Variants in CACNA2D1 observed in about 807,000 individuals in gnomAD.
CACNA2D1 encodes the protein voltage-dependent calcium channel subunit alpha-2/delta-1.
A neutral mutation model predicts 171.5 loss-of-function variants in CACNA2D1; 53 were observed. The ratio of observed to expected loss-of-function variants is 0.31; its 90% CI spans 0.25 to 0.39. The LOEUF is 0.39. Among genes scored for constraint, CACNA2D1 ranks in the 10% least tolerant of loss-of-function variants. CACNA2D1 has a pLI of 1.00. For synonymous variants in CACNA2D1, 442 were observed against 443.1 expected (o/e 1.00, Z 0.03); for missense variants, 903 against 1,299.8 (o/e 0.69, Z 4.69).
At chr7:82,289,719 ACT>A (rs1811281712) in intron 3 of CACNA2D1, among the ~76,000 whole-genome samples, 2 of 152,198 alleles carry the variant, frequency 1.3e-5, no homozygotes, top group Non-Finnish European at 2.9e-5. Context: ...CTTTGAGAAA[ACT>A]CTAATATTTA....
intron 38 of CACNA2D1, among the ~76,000 whole-genome samples, chr7:81,955,915 G>A (rs1395855791): frequency 1.9e-5 from 2 of 107,626 alleles, no homozygotes; most frequent in Non-Finnish European, 3.7e-5. Context: ...TGGGGGGGGG[G>A]GGGGGTGGTG....
At position 82,388,725 on chromosome 7, in the gene CACNA2D1, T is replaced by C. The variant is rs918051745; in HGVS notation, c.96-39076A>G. Among the ~76,000 whole-genome samples the C allele has an allele frequency of 2.0e-5, 3 of 152,246 alleles. No individual in the cohort carries two copies. The East Asian group carries it at 5.8e-4, about 29-fold the overall frequency. ...ACGAGAAAAGAATGCTTAAGTTTACTGTAACAGCAGTATGTTTAAGATCTC... is the reference window on the plus strand; with the variant it reads ...ACGAGAAAAGAATGCTTAAGTTTACCGTAACAGCAGTATGTTTAAGATCTC... On this transcript the variant is annotated intron_variant, in intron 1 of 38. Coordinates refer to ENST00000356860, the MANE Select transcript of CACNA2D1 (RefSeq NM_000722.4).
intron 3 of CACNA2D1, among the ~76,000 whole-genome samples, chr7:82,217,974 G>A (rs1437613336): frequency 3.3e-5 from 5 of 150,182 alleles, no homozygotes; most frequent in African/African-American, 9.8e-5. Flanking sequence ...TCGCCCTGTC[G>A]CTCAGGCTGG....
chr7:82,140,594 AGAG>A (rs1483039132), intron 4 of CACNA2D1, among the ~76,000 whole-genome samples: 5 of 152,294 alleles, frequency 3.3e-5, no homozygotes, highest in African/African-American at 4.8e-5. Flanking sequence ...AAATATTCAA[AGAG>A]CACTTAATTT....
intron 3 of CACNA2D1, among the ~76,000 whole-genome samples, chr7:82,173,957 C>T (rs931301443): frequency 3.5e-5 from 5 of 142,332 alleles, no homozygotes; most frequent in Non-Finnish European, 7.5e-5. Context: ...GCAGGAGGGT[C>T]ACTTGAATCC....
chr7:81,983,213 A>G, intron 23 of CACNA2D1, 101 bp downstream of exon 23: 1 of 1,007,184 alleles, frequency 9.9e-7, no homozygotes, highest in Non-Finnish European at 1.5e-6. Context: ...AAATTTAGCA[A>G]ATGAGAAGCA....
At chr7:82,297,554 T>TA (rs1300021602) in intron 3 of CACNA2D1, among the ~76,000 whole-genome samples, 1 of 152,136 alleles carries the variant, frequency 6.6e-6, no homozygotes, top group Non-Finnish European at 1.5e-5. Context: ...AAAATTTTTG[T>TA]AAAAAAGTCA....
chr7:82,174,819 C>T (rs75863266), intron 3 of CACNA2D1, among the ~76,000 whole-genome samples: 12,090 of 152,100 alleles, frequency 0.079, 690 homozygotes, highest in Non-Finnish European at 0.12. Context: ...TCAGTAAAAA[C>T]GCTTTTGCTA....
intron 4 of CACNA2D1, among the ~76,000 whole-genome samples, chr7:82,157,829 C>T (rs1204489464): frequency 6.6e-6 from 1 of 151,852 alleles, no homozygotes; most frequent in Non-Finnish European, 1.5e-5. Flanking sequence ...AACATAAATA[C>T]CTCAGATTTT....
intron 1 of CACNA2D1, among the ~76,000 whole-genome samples, chr7:82,363,466 C>A (rs1489109010): frequency 2.0e-5 from 3 of 151,782 alleles, no homozygotes; most frequent in Non-Finnish European, 4.4e-5. Context: ...GGGGTTTCAC[C>A]GTGTTAGCCA....
intron 2 of CACNA2D1, among the ~76,000 whole-genome samples, chr7:82,348,113 A>G (rs752128060): frequency 2.0e-5 from 3 of 152,318 alleles, no homozygotes; most frequent in Middle Eastern, 3.4e-3. Context: ...AGACAGTCAT[A>G]TAACTTCTCA....
intron 14 of CACNA2D1, 97 bp from the exon 15 acceptor site, chr7:82,012,340 A>C (rs1049368475): frequency 1.4e-6 from 1 of 725,660 alleles, no homozygotes; most frequent in Non-Finnish European, 2.4e-6. Context: ...GTTAAAAATG[A>C]ATATAGAATC....
intron 1 of CACNA2D1, among the ~76,000 whole-genome samples, chr7:82,411,538 A>C (rs886537825): frequency 6.6e-6 from 1 of 152,194 alleles, no homozygotes; most frequent in Non-Finnish European, 1.5e-5. Flanking sequence ...ATGATTCAAA[A>C]GATAAAGAAG....
chr7:82,214,906 G>A (rs1374716543), intron 3 of CACNA2D1, among the ~76,000 whole-genome samples: 2 of 152,106 alleles, frequency 1.3e-5, no homozygotes, highest in Non-Finnish European at 2.9e-5. Context: ...TCCTTTTGGT[G>A]AGACATTAAC....
At chr7:82,337,253 T>C (rs1353242581) in intron 2 of CACNA2D1, among the ~76,000 whole-genome samples, 1 of 152,148 alleles carries the variant, frequency 6.6e-6, no homozygotes, top group Non-Finnish European at 1.5e-5. Flanking sequence ...TTATTTTATA[T>C]ATAAAACCAC....
intron 12 of CACNA2D1, among the ~76,000 whole-genome samples, chr7:82,017,022 T>A (rs571095042): frequency 6.6e-6 from 1 of 152,266 alleles, no homozygotes; most frequent in African/African-American, 2.4e-5. Flanking sequence ...TTATAATTTA[T>A]ACAACTGCTT....
chr7:82,354,479 G>C (rs1001411189), intron 1 of CACNA2D1, among the ~76,000 whole-genome samples: 6 of 152,152 alleles, frequency 3.9e-5, no homozygotes, highest in Non-Finnish European at 5.9e-5. Context: ...TTCTTCTCTG[G>C]AAAATGGAAA....
At chr7:82,044,728 C>A (rs139243517) in intron 10 of CACNA2D1, among the ~76,000 whole-genome samples, 2 of 152,100 alleles carry the variant, frequency 1.3e-5, no homozygotes, top group Middle Eastern at 3.2e-3. Flanking sequence ...TGACCAGAGG[C>A]TGTGCGCTCC....
intron 22 of CACNA2D1, 61 bp from the exon 23 acceptor site, chr7:81,983,395 G>T: frequency 8.0e-7 from 1 of 1,245,368 alleles, no homozygotes; most frequent in South Asian, 1.2e-5. Flanking sequence ...GTAAAGCAAA[G>T]GGGGTCATAA....
Sources: gnomAD v4.1 joint callset for allele counts (sites outside exome capture counted in the v4.1 genomes callset) on GRCh38, gnomAD v4.1.1 for gene constraint, MANE v1.5 for transcripts, NCBI Gene and HGNC (gene_info 2026-07-23, HGNC 2026-07-21) for gene names.